The following MYOM1 variants were observed in gnomAD, a reference collection of about 807,000 sequenced individuals.
The protein encoded by MYOM1 is myomesin-1.
Under a neutral mutation model 205.3 loss-of-function variants are expected in MYOM1, and 164 were observed. That is an observed-to-expected ratio of 0.80 (90% CI 0.70 to 0.91). The LOEUF (loss-of-function observed/expected upper bound fraction) is 0.91, where lower values mean the gene tolerates loss of function less well. Among genes scored for constraint, MYOM1 ranks in the 40% least tolerant of loss-of-function variants. The pLI, the probability that MYOM1 is intolerant of heterozygous loss-of-function variation, is 0.00. For missense variants in MYOM1, 2,011 were observed against 2,127.3 expected, an observed-to-expected ratio of 0.95 and a Z score of 1.08; for synonymous variants, 772 against 789.4, an observed-to-expected ratio of 0.98 and a Z score of 0.37.
At position 3,188,982 on chromosome 18, in the gene MYOM1, T is replaced by C. The variant is rs528026556; in HGVS notation, c.537A>G (p.Thr179=). 16 of 1,613,566 alleles carry C rather than the reference T, an allele frequency of 9.9e-6. No homozygotes were observed. The African/African-American group carries it at 1.1e-4, about 11-fold the overall frequency. Residue 179 remains threonine, a synonymous_variant, in exon 4 of 38, where the codon ACA becomes ACG. Coordinates refer to ENST00000356443, the MANE Select transcript of MYOM1 (RefSeq NM_003803.4). The part of the protein sequence containing the change: ...RNLLASEEGI[T]TSKQSTASKQ... ...TGGATGCCGTGGACTGTTTAGATGTTGTGATTCCTTCCTCACTAGCAAGAA... is the reference window on the plus strand; with the variant it reads ...TGGATGCCGTGGACTGTTTAGATGTCGTGATTCCTTCCTCACTAGCAAGAA...
At chr18:3,149,991 T>C (rs921578507) in intron 12 of MYOM1, among the ~76,000 whole-genome samples, 2 of 151,944 alleles carry the variant, frequency 1.3e-5, no homozygotes, top group Admixed American at 1.3e-4. Context: ...AGTTGGAGGG[T>C]TGGTGAAGAG....
the MYOM1 span, among the ~76,000 whole-genome samples, chr18:3,233,073 A>AGT: frequency 6.6e-6 from 1 of 152,254 alleles, no homozygotes; most frequent in Non-Finnish European, 1.5e-5. Flanking sequence ...GATATATTAA[A>AGT]GATTTTATGC....
chr18:3,186,850 AAGGGAAAGGAAGGAAGGAAGG>A (rs1403034123), intron 5 of MYOM1, among the ~76,000 whole-genome samples: 3 of 150,872 alleles, frequency 2.0e-5, no homozygotes, highest in African/African-American at 7.3e-5. Context: ...AAAAGAAAGA[AAGGGAAAGGAAGGAAGGAAGG>A]GAGAGAGAGA....
At chr18:3,163,040 A>C (rs1346438555) in intron 10 of MYOM1, among the ~76,000 whole-genome samples, 1 of 152,042 alleles carries the variant, frequency 6.6e-6, no homozygotes, top group Non-Finnish European at 1.5e-5. Context: ...AAAACAAAAA[A>C]AAACAAAAAA....
intron 13 of MYOM1, among the ~76,000 whole-genome samples, chr18:3,147,653 G>GA (rs952833354): frequency 6.6e-6 from 1 of 152,016 alleles, no homozygotes; most frequent in Non-Finnish European, 1.5e-5. Flanking sequence ...GATGGAAGGG[G>GA]AAAAAAATTG....
intron 36 of MYOM1, 68 bp downstream of exon 36, chr18:3,075,386 C>A: frequency 6.8e-7 from 1 of 1,475,468 alleles, no homozygotes; most frequent in Non-Finnish European, 9.4e-7. Flanking sequence ...GTTATAATAG[C>A]AAAATAAAAT....
chr18:3,189,296 G>A lies in MYOM1; in HGVS notation c.432-209C>T, dbSNP rs1204069384. Among the ~76,000 whole-genome samples, 1 of 151,862 alleles carries A rather than the reference G, an allele frequency of 6.6e-6. No homozygotes were observed. The highest frequency in any genetic ancestry group is 1.5e-5 in the Non-Finnish European group (1 of 67,994). On this transcript the variant is annotated intron_variant, in intron 3 of 37. Transcript: ENST00000356443. This position sits in a 1 kb window ranked among gnomAD's most constrained non-coding sequence, Gnocchi z 4.8. ...AAATAACAACAATAATAACACCTAT[G>A]ATGGCCCTGGTGCTTTTCACATACA...
At chr18:3,237,638 C>T in the MYOM1 span, among the ~76,000 whole-genome samples, 1 of 145,128 alleles carries the variant, frequency 6.9e-6, no homozygotes, top group Non-Finnish European at 1.5e-5. Context: ...TACATTCTGA[C>T]ATGTTACAAC....
chr18:3,155,400 A>AT (rs1423330644), intron 10 of MYOM1, among the ~76,000 whole-genome samples: 2 of 151,988 alleles, frequency 1.3e-5, no homozygotes, highest in Non-Finnish European at 2.9e-5. Context: ...TTCTTTTTGT[A>AT]TTTTTGGTAG....
At chr18:3,176,652 G>A (rs1000578959) in intron 5 of MYOM1, among the ~76,000 whole-genome samples, 4 of 152,178 alleles carry the variant, frequency 2.6e-5, no homozygotes, top group Non-Finnish European at 2.9e-5. Context: ...AAGCCGAGGC[G>A]GGCAAATCAC....
At chr18:3,224,225 T>C (rs778202918), upstream of MYOM1, among the ~76,000 whole-genome samples, 1 of 152,172 alleles carries the variant, frequency 6.6e-6, no homozygotes, top group Non-Finnish European at 1.5e-5. Flanking sequence ...TTTCGCCATG[T>C]TGGCCAGGCT....
chr18:3,230,282 A>G, the MYOM1 span, among the ~76,000 whole-genome samples: 1 of 152,360 alleles, frequency 6.6e-6, no homozygotes, highest in South Asian at 2.1e-4. Flanking sequence ...AATGAAAATG[A>G]GGCAGGAGAA....
At position 3,135,830 on chromosome 18, in the gene MYOM1, C is replaced by T. The variant is rs1190461464; in HGVS notation, c.2026-100G>A. The stretch of plus-strand genomic sequence containing the variant: ...TTCATTCATCTGCAACAAACCACTC[C>T]CTGTAATGCAAGCTGGACTGGAGGA... On this transcript the variant is annotated intron_variant, in intron 14 of 37. Coordinates refer to ENST00000356443, the MANE Select transcript of MYOM1 (RefSeq NM_003803.4). The surrounding 1 kb of genome is among the most constrained non-coding windows in gnomAD (Gnocchi z 4.1). The T allele has an allele frequency of 1.0e-5, 13 of 1,279,726 alleles. No individual in the cohort carries two copies. The highest frequency in any genetic ancestry group is 2.4e-5 in the East Asian group (1 of 41,428). The allele number at this position is 1,279,726 out of a possible 1,614,324, so 79.3% of individuals were successfully genotyped here.
At chr18:3,131,714 G>T (rs563624782) in intron 16 of MYOM1, among the ~76,000 whole-genome samples, 9 of 152,036 alleles carry the variant, frequency 5.9e-5, no homozygotes, top group South Asian at 4.1e-4. Flanking sequence ...CTAAAGTGCT[G>T]GGATTACAGT....
chr18:3,109,865 A>G (rs1031350455), intron 22 of MYOM1, among the ~76,000 whole-genome samples: 4 of 152,124 alleles, frequency 2.6e-5, no homozygotes, highest in Non-Finnish European at 4.4e-5. Flanking sequence ...GGCTCAAGTG[A>G]TCCTCCTATC....
intron 22 of MYOM1, among the ~76,000 whole-genome samples, chr18:3,111,682 T>A (rs1041187759): frequency 1.3e-5 from 2 of 152,230 alleles, no homozygotes; most frequent in African/African-American, 2.4e-5. Context: ...TCACATTATA[T>A]AATACATATA....
chr18:3,129,536 ACAACAGAAACG>A lies in MYOM1; in HGVS notation c.2507-28_2507-18del, dbSNP rs746881351. 1 of 1,591,084 alleles carries A rather than the reference ACAACAGAAACG, an allele frequency of 6.3e-7. No homozygotes were observed. The highest frequency in any genetic ancestry group is 1.4e-5 in the African/African-American group (1 of 69,400). The stretch of plus-strand genomic sequence containing the variant: ...CTCCTCCCCCTACAGTTGCCAGACA[ACAACAGAAACG>A]CATTGAGCCCGGACAGAGTATCAGC... On this transcript the variant is annotated intron_variant, in intron 17 of 37. Transcript: ENST00000356443.
At chr18:3,114,602 T>C (rs1472506644) in intron 21 of MYOM1, among the ~76,000 whole-genome samples, 3 of 149,510 alleles carry the variant, frequency 2.0e-5, no homozygotes, top group Non-Finnish European at 4.4e-5. Context: ...TCCCATGGTC[T>C]TGAACTCCTG....
At chr18:3,100,727 A>G (rs1457450973) in intron 23 of MYOM1, among the ~76,000 whole-genome samples, 1 of 152,208 alleles carries the variant, frequency 6.6e-6, no homozygotes, top group Non-Finnish European at 1.5e-5. Flanking sequence ...CCAGCTGATC[A>G]GTCCCTGCTG....
Sources: allele counts gnomAD v4.1 joint callset (sites outside exome capture counted in the v4.1 genomes callset), GRCh38; gene constraint gnomAD v4.1.1; non-coding constraint Gnocchi (gnomAD v3.1); transcripts MANE v1.5; gene names NCBI Gene and HGNC (gene_info 2026-07-23, HGNC 2026-07-21).